The following PTPRD variants were observed in gnomAD, a reference collection of about 807,000 sequenced individuals.
PTPRD encodes the protein protein tyrosine phosphatase receptor type D.
PTPRD carries 34 observed loss-of-function variants against 214.5 expected under a neutral mutation model. The ratio of observed to expected loss-of-function variants is 0.16; its 90% confidence interval spans 0.12 to 0.21. The LOEUF (loss-of-function observed/expected upper bound fraction) is 0.21, where lower values mean the gene tolerates loss of function less well. Among genes scored for constraint, PTPRD ranks in the 10% least tolerant of loss-of-function variants. The probability of loss-of-function intolerance (pLI) is 1.00; values close to 1 mark genes in which losing one functional copy is unlikely to be tolerated. For synonymous variants in PTPRD, 1,128 were observed against 845.7 expected, an observed-to-expected ratio of 1.33 and a Z score of -5.79; for missense variants, 2,545 against 2,398.7, an observed-to-expected ratio of 1.06 and a Z score of -1.27.
At chr9:9,326,904 A>G (rs892121301) in intron 9 of PTPRD, among the ~76,000 whole-genome samples, 8 of 152,170 alleles carry the variant, frequency 5.3e-5, no homozygotes, top group African/African-American at 1.9e-4. Context: ...CTTGTCCCAG[A>G]AGCTAATTAC....
chr9:10,454,326 T>C (rs2098886959), intron 2 of PTPRD, among the ~76,000 whole-genome samples: 2 of 151,604 alleles, frequency 1.3e-5, no homozygotes, highest in Admixed American at 1.3e-4. Flanking sequence ...ATACTGCTGA[T>C]GACTTTGGAA....
At chr9:9,212,560 T>C (rs183091506) in intron 9 of PTPRD, among the ~76,000 whole-genome samples, 4 of 152,292 alleles carry the variant, frequency 2.6e-5, no homozygotes, top group Admixed American at 6.5e-5. Flanking sequence ...GCTAGCTTAT[T>C]GCATTTTAAA....
rs1233896419 is a variant in PTPRD, at chr9:9,891,784, C to T, written c.-368+46723G>A. The stretch of plus-strand genomic sequence containing the variant: ...TAGGCACATAAAACTTACTAAATAT[C>T]GACTACATATGACTGGAAGAGTTCA... On this transcript the variant is annotated intron_variant, in intron 5 of 45. Coordinates refer to ENST00000381196, the MANE Select transcript of PTPRD (RefSeq NM_002839.4). Among the ~76,000 whole-genome samples the T allele has an allele frequency of 7.2e-5, 11 of 151,940 alleles. No homozygotes were observed. The East Asian group carries it at 9.6e-4, about 13-fold the overall frequency.
At chr9:9,224,137 G>C (rs559382699) in intron 9 of PTPRD, among the ~76,000 whole-genome samples, 132 of 152,048 alleles carry the variant, frequency 8.7e-4, no homozygotes, top group Non-Finnish European at 1.6e-3. Flanking sequence ...TTACAAATGA[G>C]GAAGTTGAGA....
At chr9:9,416,626 G>T (rs528455120) in intron 8 of PTPRD, among the ~76,000 whole-genome samples, 1 of 152,038 alleles carries the variant, frequency 6.6e-6, no homozygotes, top group Non-Finnish European at 1.5e-5. Context: ...TATGCTCAAG[G>T]ACGTGCTCTC....
intron 35 of PTPRD, among the ~76,000 whole-genome samples, chr9:8,419,017 G>A (rs369870377): frequency 2.0e-4 from 31 of 151,826 alleles, no homozygotes; most frequent in African/African-American, 6.8e-4. Flanking sequence ...GCAGGAGTTC[G>A]AGACTGGCCT....
intron 5 of PTPRD, among the ~76,000 whole-genome samples, chr9:9,872,366 G>A (rs182730945): frequency 1.2e-4 from 19 of 152,174 alleles, no homozygotes; most frequent in African/African-American, 2.9e-4. Flanking sequence ...TTGGGAGGCC[G>A]AGGCAGGAGA....
At chr9:8,713,658 G>A in intron 12 of PTPRD, 1 of 1,516,508 alleles carries the variant, frequency 6.6e-7, no homozygotes, top group South Asian at 1.1e-5. Flanking sequence ...TGGGCGCCCG[G>A]CACCGCGCCC....
intron 3 of PTPRD, among the ~76,000 whole-genome samples, chr9:10,234,516 G>C (rs911142680): frequency 1.3e-5 from 2 of 151,624 alleles, no homozygotes; most frequent in African/African-American, 4.8e-5. Flanking sequence ...CCTAAAATTG[G>C]TATATGGAAT....
At chr9:9,438,800 A>G (rs1569568339) in intron 8 of PTPRD, among the ~76,000 whole-genome samples, 1 of 152,194 alleles carries the variant, frequency 6.6e-6, no homozygotes, top group Non-Finnish European at 1.5e-5. Flanking sequence ...GTATGTGAGT[A>G]CTAATTTCTT....
intron 2 of PTPRD, among the ~76,000 whole-genome samples, chr9:10,453,023 A>G (rs2130908768): frequency 6.6e-6 from 1 of 151,636 alleles, no homozygotes; most frequent in African/African-American, 2.4e-5. Flanking sequence ...GTTTAATTCC[A>G]TTTGTTTGTA....
At chr9:9,085,750 C>A (rs543392616) in intron 10 of PTPRD, among the ~76,000 whole-genome samples, 5 of 152,082 alleles carry the variant, frequency 3.3e-5, no homozygotes, top group African/African-American at 1.2e-4. Context: ...TTTCCTTTCA[C>A]ATTGCCATAA....
chr9:8,341,723 C>T lies in PTPRD; in HGVS notation c.4917G>A (p.Glu1639=), dbSNP rs138915427. ...ATTCGAGCTCCATTCCTGTGACATTCTCTCCCGTTTCTATTTGTGTCAGCT... is the reference window on the plus strand; with the variant it reads ...ATTCGAGCTCCATTCCTGTGACATTTTCTCCCGTTTCTATTTGTGTCAGCT... ...IQKLTQIETG[E]NVTGMELEFK... is the part of the protein sequence containing the mutation. Residue 1639 remains glutamate (E), a synonymous_variant, in exon 40 of 46, where the codon GAG becomes GAA. Coordinates refer to ENST00000381196, the MANE Select transcript of PTPRD (RefSeq NM_002839.4). 8.7e-5 allele frequency: 140 copies of T among 1,613,486 alleles called. No homozygotes were observed. Among genetic ancestry groups the T allele is most frequent in the Non-Finnish European group, 1.1e-4 (124 of 1,179,648 alleles).
At chr9:8,500,634 G>C in intron 24 of PTPRD, 120 bp downstream of exon 24, 1 of 446,574 alleles carries the variant, frequency 2.2e-6, no homozygotes, top group East Asian at 1.1e-4. Context: ...AAATACTAAA[G>C]TAACAGCAAT....
At chr9:9,141,962 G>A (rs2099861212) in intron 10 of PTPRD, among the ~76,000 whole-genome samples, 1 of 152,164 alleles carries the variant, frequency 6.6e-6, no homozygotes, top group African/African-American at 2.4e-5. Flanking sequence ...AATAATGCCT[G>A]CAAGGCATGT....
At chr9:8,337,128 A>T (rs1032112439) in intron 43 of PTPRD, among the ~76,000 whole-genome samples, 14 of 152,204 alleles carry the variant, frequency 9.2e-5, no homozygotes, top group African/African-American at 3.4e-4. Flanking sequence ...AAATCATTCT[A>T]CTATAAAGAC....
chr9:10,131,822 A>C (rs919280738), intron 3 of PTPRD, among the ~76,000 whole-genome samples: 3 of 152,156 alleles, frequency 2.0e-5, no homozygotes. Context: ...TTGATCATTG[A>C]CCTTACAATT....
intron 11 of PTPRD, among the ~76,000 whole-genome samples, chr9:8,750,115 C>G (rs2093364158): frequency 6.7e-6 from 1 of 150,042 alleles, no homozygotes; most frequent in Non-Finnish European, 1.5e-5. Flanking sequence ...AAAAAAAAAG[C>G]AAGTTCCCTG....
chr9:8,675,330 C>A (rs1028655409), intron 12 of PTPRD, among the ~76,000 whole-genome samples: 1 of 151,878 alleles, frequency 6.6e-6, no homozygotes. Context: ...AAGGTTTTAT[C>A]ACATATCCTG....
Sources: allele counts gnomAD v4.1 joint callset (sites outside exome capture counted in the v4.1 genomes callset), GRCh38; gene constraint gnomAD v4.1.1; transcripts MANE v1.5; gene names NCBI Gene and HGNC (gene_info 2026-07-23, HGNC 2026-07-21).